The following STARD13 variants were observed in gnomAD, a reference collection of about 807,000 sequenced individuals.
STARD13 encodes stAR-related lipid transfer protein 13.
STARD13 carries 62 observed loss-of-function variants against 106.4 expected under a neutral mutation model. That is an observed-to-expected ratio of 0.58 (90% CI 0.48 to 0.72). The LOEUF (loss-of-function observed/expected upper bound fraction) is 0.72. Ranked by LOEUF, STARD13 falls within the 30% of genes least tolerant of loss-of-function variation. The probability of loss-of-function intolerance (pLI) is 0.00; values close to 1 mark genes in which losing one functional copy is unlikely to be tolerated. For missense variants in STARD13, 1,387 were observed against 1,424.0 expected (o/e 0.97, Z 0.42); for synonymous variants, 565 against 553.0 (o/e 1.02, Z -0.31).
intron 1 of STARD13, among the ~76,000 whole-genome samples, chr13:33,190,516 CCAT>C (rs1286768876): frequency 6.6e-5 from 10 of 152,006 alleles, no homozygotes; most frequent in Non-Finnish European, 1.3e-4. Flanking sequence ...AACACCACCA[CCAT>C]GAGAGATGAA....
chr13:33,611,494 A>G, the STARD13 span: 1 of 152,192 alleles, frequency 6.6e-6, no homozygotes, highest in East Asian at 1.9e-4. Context: ...TTTGCACTAC[A>G]TTATTTGAAT....
intron 1 of STARD13, among the ~76,000 whole-genome samples, chr13:33,339,894 G>A (rs1229620794): frequency 1.3e-5 from 2 of 151,168 alleles, no homozygotes; most frequent in Non-Finnish European, 2.9e-5. Flanking sequence ...AGACCAGCGA[G>A]ACTCTGTCTC....
At chr13:33,115,534 C>G (rs116383821) in intron 8 of STARD13, among the ~76,000 whole-genome samples, 1,736 of 152,308 alleles carry the variant, frequency 0.011, 36 homozygotes, top group African/African-American at 0.04. Flanking sequence ...ACCCATTCTT[C>G]CCTTCTTCCT....
the STARD13 span, among the ~76,000 whole-genome samples, chr13:33,573,843 T>C: frequency 6.6e-6 from 1 of 152,186 alleles, no homozygotes; most frequent in Non-Finnish European, 1.5e-5. Flanking sequence ...ACCAGTATCC[T>C]GTGACCCTGT....
At chr13:33,248,720 C>A (rs547939494) in intron 1 of STARD13, among the ~76,000 whole-genome samples, 1 of 152,310 alleles carries the variant, frequency 6.6e-6, no homozygotes, top group Non-Finnish European at 1.5e-5. Flanking sequence ...TCTTCTTCCT[C>A]CACTTCTCCA....
chr13:33,548,001 G>A, the STARD13 span, among the ~76,000 whole-genome samples: 1 of 152,116 alleles, frequency 6.6e-6, no homozygotes, highest in African/African-American at 2.4e-5. Context: ...TATTTAATGA[G>A]CCATCAGCCT....
chr13:33,116,957 G>A (rs143637151), intron 8 of STARD13, among the ~76,000 whole-genome samples: 7 of 152,268 alleles, frequency 4.6e-5, no homozygotes, highest in Non-Finnish European at 1.0e-4. Context: ...TCAAGTCCAT[G>A]TCAAGGTCCA....
chr13:33,108,262 C>T (rs954537132), intron 12 of STARD13, among the ~76,000 whole-genome samples: 1 of 152,138 alleles, frequency 6.6e-6, no homozygotes, highest in Non-Finnish European at 1.5e-5. Flanking sequence ...ATCTCAGCCC[C>T]GTGCCTCCTC....
At chr13:33,582,470 T>G in the STARD13 span, among the ~76,000 whole-genome samples, 3 of 152,216 alleles carry the variant, frequency 2.0e-5, no homozygotes, top group South Asian at 6.2e-4. Context: ...GGATGTACTC[T>G]GTGCCCAACA....
the STARD13 span, among the ~76,000 whole-genome samples, chr13:33,439,336 C>T: frequency 6.6e-6 from 1 of 152,178 alleles, no homozygotes; most frequent in African/African-American, 2.4e-5. Context: ...GCCTTACCTT[C>T]GAAGCAGATG....
chr13:33,576,524 A>G, the STARD13 span, among the ~76,000 whole-genome samples: 38 of 152,188 alleles, frequency 2.5e-4, no homozygotes, highest in African/African-American at 8.4e-4. Context: ...ATGAGCCACC[A>G]TGCCCAGCTT....
At chr13:33,349,510 G>A (rs1050766229) in intron 1 of STARD13, among the ~76,000 whole-genome samples, 2 of 152,242 alleles carry the variant, frequency 1.3e-5, no homozygotes, top group East Asian at 3.8e-4. Context: ...GCTCCATGGA[G>A]CATGCACAGA....
chr13:33,629,049 T>A, the STARD13 span, among the ~76,000 whole-genome samples: 1 of 152,242 alleles, frequency 6.6e-6, no homozygotes, highest in Admixed American at 6.5e-5. Flanking sequence ...CTTGATTGTC[T>A]GTGAAGGCAG....
the STARD13 span, among the ~76,000 whole-genome samples, chr13:33,469,095 C>T: frequency 1.3e-5 from 2 of 152,182 alleles, no homozygotes; most frequent in African/African-American, 2.4e-5. Context: ...AATATACATG[C>T]TTACTATGCA....
At chr13:33,576,995 G>A in the STARD13 span, among the ~76,000 whole-genome samples, 1 of 152,138 alleles carries the variant, frequency 6.6e-6, no homozygotes, top group African/African-American at 2.4e-5. Context: ...AAAGTTTTAT[G>A]ATTCAATAAA....
the STARD13 span, among the ~76,000 whole-genome samples, chr13:33,456,502 T>A: frequency 6.6e-6 from 1 of 152,194 alleles, no homozygotes; most frequent in African/African-American, 2.4e-5. Flanking sequence ...AAATTAATTT[T>A]CTTACATTTC....
chr13:33,596,571 C>T, the STARD13 span, among the ~76,000 whole-genome samples: 17 of 152,188 alleles, frequency 1.1e-4, no homozygotes, highest in Non-Finnish European at 2.2e-4. Context: ...TCCAAATCTT[C>T]TGCCAAATTT....
At chr13:33,340,077 G>A (rs1202934826) in intron 1 of STARD13, among the ~76,000 whole-genome samples, 1 of 152,186 alleles carries the variant, frequency 6.6e-6, no homozygotes, top group African/African-American at 2.4e-5. Context: ...CATCTTTGTA[G>A]TGTCATTGTG....
chr13:33,312,374 T>TGAAATTGAA (rs1566133339), intron 1 of STARD13, among the ~76,000 whole-genome samples: 1 of 152,166 alleles, frequency 6.6e-6, no homozygotes, highest in Non-Finnish European at 1.5e-5. Flanking sequence ...GAAATTCCCT[T>TGAAATTGAA]GTCAGGGGTG....
Sources: gnomAD v4.1 joint callset for allele counts (sites outside exome capture counted in the v4.1 genomes callset) on GRCh38, gnomAD v4.1.1 for gene constraint, MANE v1.5 for transcripts, NCBI Gene and HGNC (gene_info 2026-07-23, HGNC 2026-07-21) for gene names.